Variants in TENM1 observed in about 807,000 individuals in gnomAD.
TENM1 encodes teneurin transmembrane protein 1.
In TENM1, 35 loss-of-function variants were observed where a neutral mutation model predicts 174.8. The observed-to-expected ratio is 0.20, with a 90% CI of 0.15 to 0.27. The LOEUF is 0.27. TENM1 is among the 10% of genes least tolerant of loss of function. The pLI is 1.00. For synonymous variants in TENM1, 781 were observed against 798.7 expected (o/e 0.98, Z 0.37); for missense variants, 1,633 against 2,130.1 (o/e 0.77, Z 4.59).
the TENM1 span, among the ~76,000 whole-genome samples, chrX:125,199,475 A>T: frequency 8.9e-6 from 1 of 112,340 alleles, no homozygotes; most frequent in East Asian, 2.8e-4. Flanking sequence ...GTTAGAATAG[A>T]GCGGGGGTGG....
At chrX:124,392,275 C>T (rs2060289986) in exon 28 of TENM1, 2 of 1,209,913 alleles carry the variant, frequency 1.7e-6, no homozygotes. Flanking sequence ...GGTGAATTTT[C>T]GATGGTCATC....
At chrX:124,926,988 T>C (rs2058101220) in intron 1 of TENM1, among the ~76,000 whole-genome samples, 1 of 112,121 alleles carries the variant, frequency 8.9e-6, no homozygotes, top group Non-Finnish European at 1.9e-5. Flanking sequence ...TCTAGGTTTT[T>C]CATTCTGACA....
At chrX:124,472,924 T>C (rs1194281959) in intron 22 of TENM1, among the ~76,000 whole-genome samples, 1 of 111,918 alleles carries the variant, frequency 8.9e-6, no homozygotes, top group Non-Finnish European at 1.9e-5. Flanking sequence ...TATGGAGCCA[T>C]GATCAAAGTT....
At chrX:124,968,240 T>C (rs2058750539), upstream of TENM1, among the ~76,000 whole-genome samples, 1 of 112,173 alleles carries the variant, frequency 8.9e-6, no homozygotes, top group African/African-American at 3.2e-5. Flanking sequence ...TTCAACGAAT[T>C]CATTTCAACT....
intron 3 of TENM1, among the ~76,000 whole-genome samples, chrX:124,828,369 A>G (rs1175597329): frequency 8.9e-6 from 1 of 112,240 alleles, no homozygotes; most frequent in East Asian, 2.8e-4. Context: ...TGCCCGCTCT[A>G]TGCTATACTC....
the TENM1 span, among the ~76,000 whole-genome samples, chrX:125,116,667 A>G: frequency 1.8e-5 from 2 of 112,688 alleles, no homozygotes; most frequent in Non-Finnish European, 3.8e-5. Context: ...AATGCAAATC[A>G]AAACTACAAT....
intron 11 of TENM1, among the ~76,000 whole-genome samples, chrX:124,599,418 C>T (rs897983312): frequency 3.6e-5 from 4 of 110,712 alleles, no homozygotes; most frequent in Admixed American, 1.9e-4. Flanking sequence ...AGAGGTTTCA[C>T]GGGCAGAGAT....
the TENM1 span, among the ~76,000 whole-genome samples, chrX:125,166,893 C>G: frequency 5.4e-5 from 6 of 111,662 alleles, no homozygotes; most frequent in African/African-American, 1.9e-4. Flanking sequence ...AACGTTCATT[C>G]TTTTCAGGAT....
intron 23 of TENM1, among the ~76,000 whole-genome samples, chrX:124,442,362 C>T (rs145042592): frequency 8.9e-6 from 1 of 112,053 alleles, no homozygotes; most frequent in African/African-American, 3.2e-5. Context: ...TTCTTGATTC[C>T]CTACAGAGCT....
intron 15 of TENM1, among the ~76,000 whole-genome samples, chrX:124,533,045 T>C (rs1038193255): frequency 1.8e-5 from 2 of 112,209 alleles, no homozygotes; most frequent in African/African-American, 3.2e-5. Flanking sequence ...AGGAAAAATC[T>C]ACCTCTTAGG....
intron 3 of TENM1, among the ~76,000 whole-genome samples, chrX:124,751,746 G>A (rs1399759194): frequency 9.8e-6 from 1 of 102,131 alleles, no homozygotes; most frequent in Non-Finnish European, 2.0e-5. Flanking sequence ...GCGGTGTTTG[G>A]TTTTTTGTCC....
intron 22 of TENM1, among the ~76,000 whole-genome samples, chrX:124,455,655 T>C (rs2061096071): frequency 9.0e-6 from 1 of 111,504 alleles, no homozygotes; most frequent in Non-Finnish European, 1.9e-5. Context: ...CTAAACACTA[T>C]GATTACTAAA....
intron 1 of TENM1, among the ~76,000 whole-genome samples, chrX:124,912,882 G>A (rs1258053612): frequency 2.7e-5 from 3 of 110,124 alleles, no homozygotes. Flanking sequence ...CCTTAGGAGA[G>A]GTGTGAAAAG....
At chrX:125,001,925 TCACACACACACACACACACA>T in the TENM1 span, among the ~76,000 whole-genome samples, 73 of 67,249 alleles carry the variant, frequency 1.1e-3, no homozygotes, top group South Asian at 0.022. Context: ...TCTAGAGAGA[TCACACACACACACACACACA>T]CACACACACA....
At chrX:124,656,184 A>C (rs2051438463) in intron 6 of TENM1, among the ~76,000 whole-genome samples, 1 of 112,621 alleles carries the variant, frequency 8.9e-6, no homozygotes, top group Admixed American at 9.4e-5. Flanking sequence ...TTTTTTAAAA[A>C]TCTGAACAAA....
chrX:124,944,168 A>T (rs2058368888), intron 1 of TENM1, among the ~76,000 whole-genome samples: 1 of 111,916 alleles, frequency 8.9e-6, no homozygotes, highest in East Asian at 2.8e-4. Flanking sequence ...ACATGTTCAC[A>T]ACTGGACATT....
At chrX:124,789,196 C>T (rs934733315) in intron 3 of TENM1, among the ~76,000 whole-genome samples, 2 of 111,020 alleles carry the variant, frequency 1.8e-5, no homozygotes, top group Non-Finnish European at 3.8e-5. Context: ...GCTGCAGTGG[C>T]TGGGATGCAG....
chrX:125,022,136 A>G, the TENM1 span, among the ~76,000 whole-genome samples: 6 of 112,293 alleles, frequency 5.3e-5, no homozygotes, highest in African/African-American at 1.9e-4. Flanking sequence ...ATATTGAAAC[A>G]TTAATATGTG....
In TENM1 at chrX:124,472,403, A is replaced by G. The variant is rs7062013; in HGVS notation, c.3949+9329T>C. 3.1e-3 allele frequency among the ~76,000 whole-genome samples: 315 copies of G among 102,908 alleles called. 2 individuals are homozygous for G. The highest frequency in any genetic ancestry group is 0.01 in the African/African-American group (292 of 28,039). 89.4% of individuals were successfully genotyped at this position (102,908 alleles called of 115,157 possible). On this transcript the variant is annotated intron_variant, in intron 22 of 31. Transcript: ENST00000422452. Reference sequence around the variant, plus strand: ...CCTGGGTTTTTTTTTTTTTTTCCCAACAAAAAAACCCAGAAGCTGTCTTTA... The same window carrying G: ...CCTGGGTTTTTTTTTTTTTTTCCCAGCAAAAAAACCCAGAAGCTGTCTTTA...
Sources: allele counts gnomAD v4.1 joint callset (sites outside exome capture counted in the v4.1 genomes callset), GRCh38; gene constraint gnomAD v4.1.1; transcripts MANE v1.5; gene names NCBI Gene and HGNC (gene_info 2026-07-23, HGNC 2026-07-21).